Variants in CNTNAP2 observed in about 807,000 individuals in gnomAD.
CNTNAP2 encodes contactin associated protein 2, also known as contactin-associated protein-like 2.
A neutral mutation model predicts 155.2 loss-of-function variants in CNTNAP2; 98 were observed. The observed-to-expected ratio is 0.63, with a 90% CI of 0.54 to 0.75. The LOEUF (loss-of-function observed/expected upper bound fraction) is 0.75. Among genes scored for constraint, CNTNAP2 ranks in the 30% least tolerant of loss-of-function variants. CNTNAP2 has a pLI of 0.00. For synonymous variants in CNTNAP2, 651 were observed against 631.2 expected (o/e 1.03, Z -0.47); for missense variants, 1,727 against 1,688.1 (o/e 1.02, Z -0.40).
At chr7:147,218,679 C>T (rs1016558216) in intron 8 of CNTNAP2, among the ~76,000 whole-genome samples, 2 of 151,728 alleles carry the variant, frequency 1.3e-5, no homozygotes, top group African/African-American at 4.8e-5. Context: ...TTCCTGTGAG[C>T]TTGAGAAGAA....
chr7:146,501,743 G>A (rs1797303238), intron 1 of CNTNAP2, among the ~76,000 whole-genome samples: 1 of 152,042 alleles, frequency 6.6e-6, no homozygotes. Context: ...AAAGGATTAT[G>A]AATGAGATTA....
At chr7:147,054,123 G>A (rs1161646396) in intron 4 of CNTNAP2, among the ~76,000 whole-genome samples, 1 of 151,978 alleles carries the variant, frequency 6.6e-6, no homozygotes, top group Non-Finnish European at 1.5e-5. Flanking sequence ...CACCCGTAAG[G>A]GCTTTTTATA....
intron 11 of CNTNAP2, among the ~76,000 whole-genome samples, chr7:147,557,167 C>T (rs764039728): frequency 4.6e-5 from 7 of 151,796 alleles, no homozygotes; most frequent in African/African-American, 7.3e-5. Flanking sequence ...GGGAAGCTAA[C>T]GCAAGAGGAT....
intron 8 of CNTNAP2, among the ~76,000 whole-genome samples, chr7:147,257,940 G>A (rs1584824776): frequency 6.6e-6 from 1 of 152,320 alleles, no homozygotes; most frequent in East Asian, 1.9e-4. Context: ...TACATAATGA[G>A]TGCAAATATT....
chr7:147,700,442 T>C (rs1214952980), intron 13 of CNTNAP2, among the ~76,000 whole-genome samples: 1 of 152,216 alleles, frequency 6.6e-6, no homozygotes, highest in Non-Finnish European at 1.5e-5. Context: ...TATTTTACTT[T>C]ATTCAACTAA....
chr7:147,046,733 T>C (rs1799363339), intron 4 of CNTNAP2, among the ~76,000 whole-genome samples: 1 of 152,088 alleles, frequency 6.6e-6, no homozygotes, highest in African/African-American at 2.4e-5. Flanking sequence ...ATATTTAGTA[T>C]TGTTTAAAAG....
intron 3 of CNTNAP2, among the ~76,000 whole-genome samples, chr7:146,972,222 CT>C (rs1188136142): frequency 6.6e-6 from 1 of 152,100 alleles, no homozygotes. Flanking sequence ...TTTTATCAAT[CT>C]TTAATAATTT....
chr7:147,228,250 G>C (rs767163827), intron 8 of CNTNAP2, among the ~76,000 whole-genome samples: 3 of 152,112 alleles, frequency 2.0e-5, no homozygotes, highest in Non-Finnish European at 4.4e-5. Context: ...GCTACAAAGG[G>C]GATCAGAAAA....
chr7:147,126,081 G>A (rs953709509), intron 6 of CNTNAP2, among the ~76,000 whole-genome samples: 4 of 152,084 alleles, frequency 2.6e-5, no homozygotes, highest in Non-Finnish European at 1.5e-5. Flanking sequence ...TCTTAGAATC[G>A]CATACAGCCC....
At chr7:147,602,991 G>T (rs1001867368) in intron 12 of CNTNAP2, among the ~76,000 whole-genome samples, 2 of 152,068 alleles carry the variant, frequency 1.3e-5, no homozygotes, top group Non-Finnish European at 1.5e-5. Context: ...AGTCCTTTGG[G>T]TATATACCCA....
At chr7:146,332,681 A>G (rs543212047) in intron 1 of CNTNAP2, among the ~76,000 whole-genome samples, 9 of 152,352 alleles carry the variant, frequency 5.9e-5, no homozygotes, top group African/African-American at 2.2e-4. Flanking sequence ...TCTATAAACA[A>G]TGATCACTTG....
chr7:147,780,661 A>G (rs1398368190), intron 13 of CNTNAP2, among the ~76,000 whole-genome samples: 1 of 152,194 alleles, frequency 6.6e-6, no homozygotes, highest in Admixed American at 6.5e-5. Flanking sequence ...ATTTGCCTGA[A>G]GTTGTCTTAC....
intron 13 of CNTNAP2, among the ~76,000 whole-genome samples, chr7:147,765,390 T>A (rs148855906): frequency 2.0e-5 from 3 of 152,170 alleles, no homozygotes; most frequent in African/African-American, 7.2e-5. Context: ...CAATTAATCA[T>A]TGGGCAAGAG....
At chr7:146,988,041 A>T (rs17170300) in intron 3 of CNTNAP2, among the ~76,000 whole-genome samples, 3 of 152,032 alleles carry the variant, frequency 2.0e-5, no homozygotes, top group Non-Finnish European at 4.4e-5. Context: ...AAGGCCTCTT[A>T]CTTTCTGAAA....
intron 3 of CNTNAP2, among the ~76,000 whole-genome samples, chr7:146,951,558 T>C (rs935330009): frequency 1.3e-5 from 2 of 152,186 alleles, no homozygotes; most frequent in Non-Finnish European, 2.9e-5. Context: ...GGGAATGCTT[T>C]CCCCATTGCT....
chr7:146,464,035 T>C (rs1796678396), intron 1 of CNTNAP2, among the ~76,000 whole-genome samples: 2 of 152,094 alleles, frequency 1.3e-5, no homozygotes, highest in South Asian at 4.1e-4. Flanking sequence ...TGCTATTATT[T>C]TAAATTTTCT....
At chr7:146,649,190 A>G (rs1236177508) in intron 1 of CNTNAP2, among the ~76,000 whole-genome samples, 1 of 152,122 alleles carries the variant, frequency 6.6e-6, no homozygotes, top group Non-Finnish European at 1.5e-5. Flanking sequence ...TAATAAATAT[A>G]TATTGAATGA....
At chr7:146,831,028 A>C (rs1327584196) in intron 2 of CNTNAP2, among the ~76,000 whole-genome samples, 1 of 152,216 alleles carries the variant, frequency 6.6e-6, no homozygotes, top group Non-Finnish European at 1.5e-5. Flanking sequence ...CTTTGCAATA[A>C]TTAAAATTGA....
At chr7:146,430,234 G>T (rs1399376918) in intron 1 of CNTNAP2, among the ~76,000 whole-genome samples, 1 of 150,296 alleles carries the variant, frequency 6.7e-6, no homozygotes, top group Non-Finnish European at 1.5e-5. Context: ...ATGTCTTAGT[G>T]CATTAAGAAA....
Sources: allele counts gnomAD v4.1 joint callset (sites outside exome capture counted in the v4.1 genomes callset), GRCh38; gene constraint gnomAD v4.1.1; transcripts MANE v1.5; gene names NCBI Gene and HGNC (gene_info 2026-07-23, HGNC 2026-07-21).